The following ANKS1B variants were observed in gnomAD, a reference collection of about 807,000 sequenced individuals.
ANKS1B encodes ankyrin repeat and sterile alpha motif domain containing 1B, also known as ankyrin repeat and sterile alpha motif domain-containing protein 1B.
ANKS1B carries 36 observed loss-of-function variants against 148.3 expected under a neutral mutation model. The ratio of observed to expected loss-of-function variants is 0.24; its 90% CI spans 0.19 to 0.32. The LOEUF (loss-of-function observed/expected upper bound fraction) is 0.32, where lower values mean the gene tolerates loss of function less well. Ranked by LOEUF, ANKS1B falls within the 10% of genes least tolerant of loss-of-function variation. ANKS1B has a pLI of 1.00. For synonymous variants in ANKS1B, 542 were observed against 560.8 expected (o/e 0.97, Z 0.47); for missense variants, 1,157 against 1,542.6 (o/e 0.75, Z 4.19).
intron 1 of ANKS1B, among the ~76,000 whole-genome samples, chr12:99,885,595 G>A (rs899182541): frequency 1.6e-4 from 25 of 152,032 alleles, no homozygotes; most frequent in African/African-American, 4.8e-4. Context: ...GAGCCACCGC[G>A]CCCGGTCTTT....
intron 25 of ANKS1B, among the ~76,000 whole-genome samples, chr12:98,763,784 T>G (rs528231013): frequency 6.6e-6 from 1 of 152,292 alleles, no homozygotes; most frequent in South Asian, 2.1e-4. Flanking sequence ...TTGCGCAACA[T>G]TATCTCATAG....
chr12:98,901,605 G>A (rs1001595025), intron 17 of ANKS1B, among the ~76,000 whole-genome samples: 1 of 152,200 alleles, frequency 6.6e-6, no homozygotes, highest in Non-Finnish European at 1.5e-5. Context: ...TATGTAGAGA[G>A]CAGGGTTTTC....
intron 9 of ANKS1B, among the ~76,000 whole-genome samples, chr12:99,634,578 G>A (rs1351025755): frequency 6.6e-6 from 1 of 152,102 alleles, no homozygotes; most frequent in East Asian, 1.9e-4. Flanking sequence ...AATATTAAAT[G>A]TTGTAAAATG....
At chr12:99,454,576 C>T (rs1785466638) in intron 10 of ANKS1B, among the ~76,000 whole-genome samples, 3 of 152,210 alleles carry the variant, frequency 2.0e-5, no homozygotes, top group East Asian at 1.9e-4. Context: ...CTCTCTCCCA[C>T]CTTTCCTTTA....
intron 8 of ANKS1B, among the ~76,000 whole-genome samples, chr12:99,738,028 A>G (rs144604322): frequency 6.6e-6 from 1 of 152,302 alleles, no homozygotes; most frequent in East Asian, 1.9e-4. Context: ...GATGTGTGCT[A>G]GAACACATAT....
intron 16 of ANKS1B, among the ~76,000 whole-genome samples, chr12:99,059,787 TC>T: frequency 3.3e-5 from 1 of 30,670 alleles, no homozygotes; most frequent in Admixed American, 4.7e-4. Flanking sequence ...AAACTAAAAT[TC>T]ATATATATAT....
At chr12:99,694,888 T>C (rs984798943) in intron 8 of ANKS1B, among the ~76,000 whole-genome samples, 3 of 152,176 alleles carry the variant, frequency 2.0e-5, no homozygotes, top group Non-Finnish European at 4.4e-5. Context: ...TCATGCTTTC[T>C]CAAGGCAAGT....
At chr12:99,467,338 GA>G (rs1183578891) in intron 10 of ANKS1B, among the ~76,000 whole-genome samples, 18 of 152,282 alleles carry the variant, frequency 1.2e-4, no homozygotes, top group African/African-American at 4.1e-4. Context: ...ATACCATACT[GA>G]ATGGGCAAAA....
At chr12:99,072,515 C>G (rs1038702245) in intron 16 of ANKS1B, among the ~76,000 whole-genome samples, 2 of 152,030 alleles carry the variant, frequency 1.3e-5, no homozygotes, top group Non-Finnish European at 2.9e-5. Context: ...TAACTAAAAG[C>G]TCAAGAGAGT....
intron 15 of ANKS1B, among the ~76,000 whole-genome samples, chr12:99,099,037 C>T (rs896223175): frequency 6.6e-6 from 1 of 152,064 alleles, no homozygotes; most frequent in African/African-American, 2.4e-5. Context: ...TGCCAGAGAC[C>T]CTCTTCATTG....
intron 14 of ANKS1B, chr12:99,155,143 G>A: frequency 6.8e-7 from 1 of 1,479,982 alleles, no homozygotes. Flanking sequence ...GAAATGCGAA[G>A]CTTGAACTAT....
At chr12:99,060,449 C>T (rs1046735955) in intron 16 of ANKS1B, among the ~76,000 whole-genome samples, 1 of 151,714 alleles carries the variant, frequency 6.6e-6, no homozygotes. Context: ...TTATTTTATG[C>T]GTTTTATACA....
At chr12:99,763,033 A>C (rs756495124) in intron 8 of ANKS1B, among the ~76,000 whole-genome samples, 2 of 152,154 alleles carry the variant, frequency 1.3e-5, no homozygotes, top group Non-Finnish European at 2.9e-5. Flanking sequence ...GATCGCTTAA[A>C]CACTATTTGT....
chr12:99,689,395 TGGCA>T (rs1207215163), intron 8 of ANKS1B, among the ~76,000 whole-genome samples: 1 of 152,230 alleles, frequency 6.6e-6, no homozygotes, highest in Non-Finnish European at 1.5e-5. Context: ...TTAGTGCGTG[TGGCA>T]GGCAGAATTT....
In ANKS1B at chr12:98,745,542, CTGGAAAGTCTTGCGTTT is replaced by C; in HGVS notation, c.*180_*196del. ...AACTCACGCCTCTCAGGGGTTGCGA[CTGGAAAGTCTTGCGTTT>C]TCCATCACTGGTGCAGAAAGAACTT... On this transcript the variant is annotated 3_prime_UTR_variant, in exon 27 of 27. Coordinates refer to ENST00000683438, the MANE Select transcript of ANKS1B (RefSeq NM_001352186.2). 1 of 1,355,312 alleles carries C rather than the reference CTGGAAAGTCTTGCGTTT, an allele frequency of 7.4e-7. No individual in the cohort carries two copies. The allele number at this position is 1,355,312 out of a possible 1,614,324, so 84.0% of individuals were successfully genotyped here. A position where few individuals can be genotyped will look rare whatever the true frequency, so the allele number is the denominator to read the frequency against.
At chr12:98,914,879 C>T (rs1251642504) in intron 17 of ANKS1B, among the ~76,000 whole-genome samples, 1 of 152,162 alleles carries the variant, frequency 6.6e-6, no homozygotes, top group Non-Finnish European at 1.5e-5. Context: ...TTTCATCCCT[C>T]CTTTCTGCTT....
At chr12:99,337,311 T>C (rs548855328) in intron 12 of ANKS1B, among the ~76,000 whole-genome samples, 7 of 152,200 alleles carry the variant, frequency 4.6e-5, no homozygotes, top group South Asian at 2.1e-4. Flanking sequence ...GTATGTCAAC[T>C]GAATTTTTCT....
chr12:99,185,006 T>G (rs183139929), intron 14 of ANKS1B, among the ~76,000 whole-genome samples: 1 of 152,358 alleles, frequency 6.6e-6, no homozygotes, highest in East Asian at 1.9e-4. Context: ...TAAAGTACAG[T>G]GATTGTGTTT....
At chr12:99,140,281 CTG>C (rs1316945562) in intron 15 of ANKS1B, among the ~76,000 whole-genome samples, 1 of 152,096 alleles carries the variant, frequency 6.6e-6, no homozygotes, top group African/African-American at 2.4e-5. Context: ...ACTAATCAGT[CTG>C]TGGTGAGTAA....
Sources: allele counts gnomAD v4.1 joint callset (sites outside exome capture counted in the v4.1 genomes callset), GRCh38; gene constraint gnomAD v4.1.1; transcripts MANE v1.5; gene names NCBI Gene and HGNC (gene_info 2026-07-23, HGNC 2026-07-21).